The following CNTNAP2 variants were observed in gnomAD, a reference collection of about 807,000 sequenced individuals.
CNTNAP2 encodes the protein contactin-associated protein-like 2.
In CNTNAP2, 98 loss-of-function variants were observed where a neutral mutation model predicts 155.2. The observed-to-expected ratio is 0.63, with a 90% CI of 0.54 to 0.75. The LOEUF is 0.75. CNTNAP2 is among the 30% of genes least tolerant of loss of function. CNTNAP2 has a pLI of 0.00. For missense variants in CNTNAP2, 1,727 were observed against 1,688.1 expected (o/e 1.02, Z -0.40); for synonymous variants, 651 against 631.2 (o/e 1.03, Z -0.47).
In CNTNAP2 at chr7:146,738,380, T is replaced by G. The variant is rs56003472; in HGVS notation, c.98-35891T>G. 1.8e-3 allele frequency among the ~76,000 whole-genome samples: 281 copies of G among 152,172 alleles called. 1 individual carries two copies. The highest frequency in any genetic ancestry group is 6.5e-3 in the African/African-American group (271 of 41,568). ...AGGCTATTTTATTGTTGCTGTTGAC[T>G]TGTTTGAGTACCTTATGTATTTTGA... On this transcript the variant is annotated intron_variant, in intron 1 of 23. Coordinates refer to ENST00000361727, the MANE Select transcript of CNTNAP2 (RefSeq NM_014141.6).
At chr7:147,832,340 A>G (rs999463856) in intron 13 of CNTNAP2, among the ~76,000 whole-genome samples, 2 of 146,368 alleles carry the variant, frequency 1.4e-5, no homozygotes, top group African/African-American at 4.9e-5. Context: ...ATATTTATAC[A>G]TATATCTATA....
intron 4 of CNTNAP2, among the ~76,000 whole-genome samples, chr7:147,077,002 C>T (rs1279195021): frequency 6.6e-6 from 1 of 152,116 alleles, no homozygotes; most frequent in Non-Finnish European, 1.5e-5. Context: ...TAAAACACAA[C>T]TGCTTCGTTT....
At chr7:147,330,265 A>G (rs1156404827) in intron 9 of CNTNAP2, among the ~76,000 whole-genome samples, 1 of 152,142 alleles carries the variant, frequency 6.6e-6, no homozygotes, top group Admixed American at 6.5e-5. Flanking sequence ...GGTTAGTGGC[A>G]TCCCCAGAGA....
chr7:148,170,101 G>A (rs1210518017), intron 17 of CNTNAP2, among the ~76,000 whole-genome samples: 1 of 152,212 alleles, frequency 6.6e-6, no homozygotes, highest in Non-Finnish European at 1.5e-5. Context: ...AAAAGTGAAA[G>A]TAGTTAAATC....
In CNTNAP2 at chr7:148,118,154, C is replaced by T; in HGVS notation, c.2420C>T (p.Ser807Phe). Residue 807 changes from serine to phenylalanine, a missense_variant, in exon 16 of 24, where the codon TCC (serine) becomes TTC (phenylalanine). By Grantham distance (155) the Ser-to-Phe change is radical. Transcript: ENST00000361727. ...AATGCCGCCTCTTTCCCAAACCCATCCTCCTACCTGCACTTCTCTACTTTC... is the reference window on the plus strand; with the variant it reads ...AATGCCGCCTCTTTCCCAAACCCATTCTCCTACCTGCACTTCTCTACTTTC... ...YWNAASFPNP[S>F]SYLHFSTFQG... is the part of the protein sequence containing the mutation. 6.2e-7 allele frequency: 1 copy of T among 1,614,186 alleles called. No individual in the cohort carries two copies. Among genetic ancestry groups the T allele is most frequent in the Non-Finnish European group, 8.5e-7 (1 of 1,180,032 alleles).
At chr7:147,771,864 A>G (rs545964548) in intron 13 of CNTNAP2, among the ~76,000 whole-genome samples, 1 of 152,276 alleles carries the variant, frequency 6.6e-6, no homozygotes, top group South Asian at 2.1e-4. Flanking sequence ...TCTGAAAATT[A>G]TATCACAATA....
At chr7:147,270,125 T>C (rs1804709170) in intron 8 of CNTNAP2, among the ~76,000 whole-genome samples, 1 of 152,068 alleles carries the variant, frequency 6.6e-6, no homozygotes, top group African/African-American at 2.4e-5. Context: ...GACTCAAACC[T>C]AAGGTTGATT....
intron 1 of CNTNAP2, among the ~76,000 whole-genome samples, chr7:146,704,276 C>T (rs60332286): frequency 0.056 from 8,540 of 152,150 alleles, 778 homozygotes; most frequent in African/African-American, 0.19. Flanking sequence ...AGCTCAGCCT[C>T]ATTGCCCAGT....
chr7:148,144,871 C>G (rs142758189), intron 16 of CNTNAP2, among the ~76,000 whole-genome samples: 296 of 152,244 alleles, frequency 1.9e-3, no homozygotes, highest in African/African-American at 6.8e-3. Context: ...TTCGCTCACT[C>G]TCTCTATAAT....
chr7:146,419,233 A>T lies in CNTNAP2; in HGVS notation c.97+302260A>T, dbSNP rs553735644. ...TAAACAAAAGGAGAAACCTCTTATAAATCCATCAGATCTTCTAAGACTTAT... is the reference window on the plus strand; with the variant it reads ...TAAACAAAAGGAGAAACCTCTTATATATCCATCAGATCTTCTAAGACTTAT... On this transcript the variant is annotated intron_variant, in intron 1 of 23. Transcript: ENST00000361727. Among the ~76,000 whole-genome samples, 8 of 152,192 alleles carry T rather than the reference A, an allele frequency of 5.3e-5. No individual in the cohort carries two copies. The South Asian group carries it at 1.7e-3, about 32-fold the overall frequency.
chr7:146,482,399 TTA>T (rs71763608), intron 1 of CNTNAP2, among the ~76,000 whole-genome samples: 5,867 of 146,746 alleles, frequency 0.04, 280 homozygotes, highest in African/African-American at 0.12. Context: ...TGTGTGTGTA[TTA>T]TATATATATA....
At chr7:146,613,971 A>G (rs577867189) in intron 1 of CNTNAP2, among the ~76,000 whole-genome samples, 8 of 152,144 alleles carry the variant, frequency 5.3e-5, no homozygotes, top group Non-Finnish European at 1.5e-5. Context: ...CTTATCATTG[A>G]CTGTTTTGGG....
chr7:147,981,595 A>G (rs1801530876), intron 15 of CNTNAP2, among the ~76,000 whole-genome samples: 1 of 152,142 alleles, frequency 6.6e-6, no homozygotes, highest in Non-Finnish European at 1.5e-5. Context: ...AGAGAATGAA[A>G]CCATTTTTGT....
intron 10 of CNTNAP2, among the ~76,000 whole-genome samples, chr7:147,427,492 C>T (rs1797398572): frequency 6.6e-6 from 1 of 152,070 alleles, no homozygotes; most frequent in South Asian, 2.1e-4. Context: ...GAAAGTTTAA[C>T]AATAGTTTGG....
At chr7:146,590,719 C>A (rs915117784) in intron 1 of CNTNAP2, among the ~76,000 whole-genome samples, 1 of 152,100 alleles carries the variant, frequency 6.6e-6, no homozygotes, top group Non-Finnish European at 1.5e-5. Flanking sequence ...TCTCAGCCTC[C>A]CTGAGCTGTG....
At chr7:146,502,719 C>A (rs1324498900) in intron 1 of CNTNAP2, among the ~76,000 whole-genome samples, 1 of 152,150 alleles carries the variant, frequency 6.6e-6, no homozygotes, top group Non-Finnish European at 1.5e-5. Context: ...TCAAGCAATT[C>A]TCATGTCTCA....
chr7:146,381,091 C>A (rs1795380443), intron 1 of CNTNAP2, among the ~76,000 whole-genome samples: 1 of 152,016 alleles, frequency 6.6e-6, no homozygotes, highest in African/African-American at 2.4e-5. Context: ...AGCCACCGCG[C>A]CCGGCCTGCA....
chr7:146,463,688 A>G (rs1796672677), intron 1 of CNTNAP2, among the ~76,000 whole-genome samples: 1 of 152,208 alleles, frequency 6.6e-6, no homozygotes, highest in Non-Finnish European at 1.5e-5. Flanking sequence ...TATATTATAT[A>G]CATGTATACA....
chr7:146,785,421 A>C (rs1239930239), intron 2 of CNTNAP2, among the ~76,000 whole-genome samples: 2 of 152,254 alleles, frequency 1.3e-5, no homozygotes, highest in Non-Finnish European at 2.9e-5. Context: ...TTCATGCTGT[A>C]CTTATGCAGG....
Sources: allele counts gnomAD v4.1 joint callset (sites outside exome capture counted in the v4.1 genomes callset), GRCh38; gene constraint gnomAD v4.1.1; transcripts MANE v1.5; gene names NCBI Gene and HGNC (gene_info 2026-07-23, HGNC 2026-07-21).